Variants in CHD1L observed in about 807,000 individuals in gnomAD.
CHD1L encodes chromodomain helicase DNA binding protein 1 like, also known as ATP-dependent chromatin remodeler CHD1L.
Under a neutral mutation model 115.9 loss-of-function variants are expected in CHD1L, and 118 were observed. The observed-to-expected ratio is 1.02, with a 90% CI of 0.88 to 1.19. The LOEUF (loss-of-function observed/expected upper bound fraction) is 1.19. Ranked by LOEUF, CHD1L falls within the 50% of genes most tolerant of loss-of-function variation. The pLI is 0.00. For missense variants in CHD1L, 1,179 were observed against 1,065.3 expected (o/e 1.11, Z -1.49); for synonymous variants, 411 against 387.1 (o/e 1.06, Z -0.72).
intron 5 of CHD1L, among the ~76,000 whole-genome samples, chr1:147,258,654 C>T (rs962544753): frequency 2.6e-5 from 4 of 152,230 alleles, no homozygotes; most frequent in Non-Finnish European, 5.9e-5. Context: ...ATAGGGACCT[C>T]TGTTCCTCTG....
upstream of CHD1L, among the ~76,000 whole-genome samples, chr1:147,242,447 T>C (rs1424484238): frequency 2.6e-5 from 4 of 152,232 alleles, no homozygotes; most frequent in African/African-American, 9.6e-5. Flanking sequence ...AGACGTCCTG[T>C]GCGTGATCAG....
At chr1:147,210,251 A>G in the CHD1L span, 2 of 152,238 alleles carry the variant, frequency 1.3e-5, no homozygotes, top group Non-Finnish European at 2.9e-5. Context: ...TTTAATGGAG[A>G]AAAATAAGAT....
the CHD1L span, among the ~76,000 whole-genome samples, chr1:147,181,918 A>G: frequency 6.6e-6 from 1 of 152,232 alleles, no homozygotes; most frequent in African/African-American, 2.4e-5. Context: ...CTGAAAAGGT[A>G]GGAGAGAGTT....
At position 147,276,030 on chromosome 1, in the gene CHD1L, G is replaced by T. The variant is rs1678306212; in HGVS notation, c.1386-74G>T. ...TATTTGGTTTTGTTTGCTTTTAGAT[G>T]TATTTACCTTGCATACTTTTGCCCA... is the stretch of plus-strand genomic sequence containing the variant. On this transcript the variant is annotated intron_variant, in intron 13 of 22. Coordinates refer to ENST00000369258, the MANE Select transcript of CHD1L (RefSeq NM_004284.6). The T allele has an allele frequency of 5.5e-6, 8 of 1,442,544 alleles. No homozygotes were observed. In the South Asian group the frequency reaches 8.7e-5, roughly 16 times the overall value. The allele number at this position is 1,442,544 out of a possible 1,614,324, so 89.4% of individuals were successfully genotyped here. A position where few individuals can be genotyped will look rare whatever the true frequency, so the allele number is the denominator to read the frequency against.
chr1:147,225,161 A>G, the CHD1L span: 1 of 1,522,620 alleles, frequency 6.6e-7, no homozygotes, highest in Non-Finnish European at 8.8e-7. Flanking sequence ...TCTGTACAAG[A>G]GGTGTCTTGA....
At chr1:147,267,342 T>G in intron 8 of CHD1L, 84 bp from the exon 9 acceptor site, 1 of 915,732 alleles carries the variant, frequency 1.1e-6, no homozygotes. Context: ...TGATTAAGGT[T>G]ACTTGTAAAA....
At chr1:147,272,054 G>T (rs185180708) in intron 11 of CHD1L, 117 bp from the exon 12 acceptor site, 22 of 679,910 alleles carry the variant, frequency 3.2e-5, no homozygotes, top group Non-Finnish European at 5.3e-5. Context: ...TTAAAGTAGG[G>T]CTGTGCCTGT....
rs894074921 is a variant in CHD1L at position 147,286,648 on chromosome 1, C to G, written c.2221+148C>G. ...GTGAATTTTAGAGTCAGGAGATATT[C>G]CAGAATCATTTCACTCTTGGCTTTC... is the stretch of plus-strand genomic sequence containing the variant. On this transcript the variant is annotated intron_variant, in intron 18 of 22. Transcript: ENST00000369258. The G allele has an allele frequency of 1.7e-5, 12 of 708,806 alleles. No homozygotes were observed. The African/African-American group carries it at 1.8e-4, about 11-fold the overall frequency. The allele number at this position is 708,806 out of a possible 1,614,324, so 43.9% of individuals were successfully genotyped here. A position where few individuals can be genotyped will look rare whatever the true frequency, so the allele number is the denominator to read the frequency against.
chr1:147,295,422 C>T lies in CHD1L; in HGVS notation c.2616-9C>T, dbSNP rs782630187. ...GATGACATGTATCTTCCTTGACCAT[C>T]CTTATCAGATATTATTTTCCTAGAA... On this transcript the variant is annotated splice_polypyrimidine_tract_variant and intron_variant, in intron 22 of 22. Transcript: ENST00000369258. The T allele has an allele frequency of 3.1e-6, 5 of 1,591,132 alleles. No homozygotes were observed. Among genetic ancestry groups the T allele is most frequent in the Non-Finnish European group, 4.3e-6 (5 of 1,160,546 alleles).
the CHD1L span, chr1:147,225,246 A>T: frequency 1.5e-6 from 2 of 1,315,530 alleles, no homozygotes; most frequent in Non-Finnish European, 2.0e-6. Flanking sequence ...CGCCTGCAAG[A>T]CCCAGAGCTG....
At chr1:147,286,152 CA>C (rs1270943947) in intron 17 of CHD1L, 145 bp from the exon 18 acceptor site, 2 of 744,042 alleles carry the variant, frequency 2.7e-6, no homozygotes, top group African/African-American at 3.5e-5. Flanking sequence ...GACTTGTTTA[CA>C]AATAAGTAGA....
At chr1:147,291,618 C>T in intron 20 of CHD1L, 66 bp downstream of exon 20, 1 of 1,343,146 alleles carries the variant, frequency 7.4e-7, no homozygotes, top group Non-Finnish European at 1.1e-6. Context: ...TGAAGTGTCC[C>T]CTGCCCCAAT....
At position 147,264,668 on chromosome 1, in the gene CHD1L, A is replaced by AG. The variant is rs1156802126; in HGVS notation, c.739+86dup. ...GCATAATGGTTATAGGTAGAAAAGA[A>AG]GGAGAATTGATGACCAGAGGACACC... On this transcript the variant is annotated intron_variant, in intron 7 of 22. Coordinates refer to ENST00000369258, the MANE Select transcript of CHD1L (RefSeq NM_004284.6). 2.0e-5 allele frequency: 29 copies of AG among 1,434,396 alleles called. No homozygotes were observed. In the East Asian group the frequency reaches 2.3e-4, roughly 11 times the overall value. 88.9% of individuals were successfully genotyped at this position (1,434,396 alleles called of 1,614,324 possible).
At chr1:147,255,534 CAT>C (rs1669817277) in intron 3 of CHD1L, among the ~76,000 whole-genome samples, 1 of 152,040 alleles carries the variant, frequency 6.6e-6, no homozygotes, top group South Asian at 2.1e-4. Flanking sequence ...GCCTATTTTT[CAT>C]AGTGACGTAG....
chr1:147,294,057 C>T (rs2103036717), intron 21 of CHD1L, among the ~76,000 whole-genome samples: 1 of 152,232 alleles, frequency 6.6e-6, no homozygotes, highest in Admixed American at 6.5e-5. Flanking sequence ...AGTCACAGTT[C>T]CCAATAACAG....
intron 19 of CHD1L, among the ~76,000 whole-genome samples, chr1:147,289,575 G>A (rs1684694070): frequency 6.6e-6 from 1 of 152,144 alleles, no homozygotes; most frequent in African/African-American, 2.4e-5. Flanking sequence ...TTCTCTGAAG[G>A]AGGATTGAAG....
At chr1:147,225,246 A>C in the CHD1L span, 1 of 1,315,530 alleles carries the variant, frequency 7.6e-7, no homozygotes, top group South Asian at 1.6e-5. Flanking sequence ...CGCCTGCAAG[A>C]CCCAGAGCTG....
At chr1:147,237,234 C>T in the CHD1L span, among the ~76,000 whole-genome samples, 3 of 152,304 alleles carry the variant, frequency 2.0e-5, no homozygotes, top group East Asian at 5.8e-4. Flanking sequence ...TGGGAGGAGA[C>T]ACTTCTTAGC....
chr1:147,187,056 AT>A, the CHD1L span: 1 of 1,614,112 alleles, frequency 6.2e-7, no homozygotes, highest in South Asian at 1.1e-5. Context: ...TTCGAGCCCC[AT>A]CCCACTTTCC....
Sources: gnomAD v4.1 joint callset for allele counts (sites outside exome capture counted in the v4.1 genomes callset) on GRCh38, gnomAD v4.1.1 for gene constraint, MANE v1.5 for transcripts, NCBI Gene and HGNC (gene_info 2026-07-23, HGNC 2026-07-21) for gene names.